Variants in CSNK2A2IP observed in about 807,000 individuals in gnomAD.
CSNK2A2IP encodes casein kinase II subunit alpha'-interacting protein.
At chr3:88,394,200 T>C in the CSNK2A2IP span, among the ~76,000 whole-genome samples, 1 of 152,204 alleles carries the variant, frequency 6.6e-6, no homozygotes, top group Non-Finnish European at 1.5e-5. Context: ...GATATGTGTA[T>C]GTTCACCTTT....
At chr3:88,363,571 G>C in the CSNK2A2IP span, among the ~76,000 whole-genome samples, 2 of 151,894 alleles carry the variant, frequency 1.3e-5, no homozygotes, top group Non-Finnish European at 2.9e-5. Context: ...CTTGGTAATC[G>C]TTGATTTGCA....
chr3:88,414,274 T>TG, the CSNK2A2IP span, among the ~76,000 whole-genome samples: 1 of 38,176 alleles, frequency 2.6e-5, no homozygotes, highest in Non-Finnish European at 5.1e-5. Flanking sequence ...AACAAAGTTT[T>TG]TTTTTTTTTT....
chr3:88,434,790 A>G, the CSNK2A2IP span, among the ~76,000 whole-genome samples: 1 of 152,162 alleles, frequency 6.6e-6, no homozygotes, highest in East Asian at 1.9e-4. Flanking sequence ...TTAAAGATTC[A>G]AAACTATGAT....
chr3:88,346,066 T>G, the CSNK2A2IP span, among the ~76,000 whole-genome samples: 3 of 151,976 alleles, frequency 2.0e-5, no homozygotes, highest in African/African-American at 7.2e-5. Flanking sequence ...GTGGTCTGGA[T>G]AGACTATCAA....
At chr3:88,434,544 C>G in the CSNK2A2IP span, among the ~76,000 whole-genome samples, 1 of 151,968 alleles carries the variant, frequency 6.6e-6, no homozygotes, top group Non-Finnish European at 1.5e-5. Context: ...AACAAACAAC[C>G]CTAAATTCCT....
the CSNK2A2IP span, among the ~76,000 whole-genome samples, chr3:88,428,815 T>A: frequency 6.6e-6 from 1 of 152,062 alleles, no homozygotes; most frequent in African/African-American, 2.4e-5. Flanking sequence ...TTAGACTAGA[T>A]GTTCCTAACT....
At chr3:88,451,261 A>G in the CSNK2A2IP span, among the ~76,000 whole-genome samples, 1 of 152,104 alleles carries the variant, frequency 6.6e-6, no homozygotes, top group Non-Finnish European at 1.5e-5. Flanking sequence ...TAGGCAAGAA[A>G]GACAAATATT....
the CSNK2A2IP span, among the ~76,000 whole-genome samples, chr3:88,397,046 CAA>C: frequency 4.6e-5 from 7 of 152,048 alleles, no homozygotes; most frequent in African/African-American, 1.7e-4. Flanking sequence ...TTAAGAAAAA[CAA>C]GAGGGCATGT....
At chr3:88,413,268 G>A in the CSNK2A2IP span, among the ~76,000 whole-genome samples, 6 of 151,982 alleles carry the variant, frequency 3.9e-5, 1 homozygote, top group African/African-American at 1.5e-4. Flanking sequence ...GCAGGATGGT[G>A]TATAGGCTGA....
chr3:88,434,347 A>C, the CSNK2A2IP span, among the ~76,000 whole-genome samples: 1 of 132,182 alleles, frequency 7.6e-6, no homozygotes, highest in Non-Finnish European at 1.8e-5. Flanking sequence ...GGTCCATCCA[A>C]ATGCAGAAAA....
the CSNK2A2IP span, among the ~76,000 whole-genome samples, chr3:88,421,068 T>C: frequency 6.6e-6 from 1 of 152,172 alleles, no homozygotes; most frequent in Non-Finnish European, 1.5e-5. Flanking sequence ...CCTCCTCCCG[T>C]CTCCGAAGAG....
At chr3:88,394,805 TGTA>T in the CSNK2A2IP span, among the ~76,000 whole-genome samples, 3 of 152,228 alleles carry the variant, frequency 2.0e-5, no homozygotes, top group Non-Finnish European at 4.4e-5. Flanking sequence ...CTTATTGAGT[TGTA>T]GTTGTTGTTT....
chr3:88,347,796 A>G, the CSNK2A2IP span, among the ~76,000 whole-genome samples: 2 of 152,028 alleles, frequency 1.3e-5, no homozygotes, highest in East Asian at 3.9e-4. Context: ...TGTTTTGTAT[A>G]TCTTCTATCC....
the CSNK2A2IP span, among the ~76,000 whole-genome samples, chr3:88,363,994 C>T: frequency 6.6e-6 from 1 of 152,072 alleles, no homozygotes; most frequent in Non-Finnish European, 1.5e-5. Context: ...TGTGGATTTT[C>T]CAGGTCCTGC....
the CSNK2A2IP span, among the ~76,000 whole-genome samples, chr3:88,360,631 G>A: frequency 6.6e-6 from 1 of 152,014 alleles, no homozygotes; most frequent in East Asian, 1.9e-4. Context: ...TACTCTGAAT[G>A]AATAAGAAAA....
At chr3:88,386,780 C>T in the CSNK2A2IP span, among the ~76,000 whole-genome samples, 1 of 152,052 alleles carries the variant, frequency 6.6e-6, no homozygotes, top group Admixed American at 6.6e-5. Flanking sequence ...TTGGTAATGA[C>T]AAAGACCAGA....
chr3:88,342,014 A>G, the CSNK2A2IP span, among the ~76,000 whole-genome samples: 1 of 152,142 alleles, frequency 6.6e-6, no homozygotes, highest in East Asian at 1.9e-4. Flanking sequence ...TTGCTGACAT[A>G]TATACTAGTA....
chr3:88,426,968 G>T, the CSNK2A2IP span, among the ~76,000 whole-genome samples: 2 of 152,098 alleles, frequency 1.3e-5, no homozygotes, highest in African/African-American at 4.8e-5. Flanking sequence ...AACAGGCAGA[G>T]ATTGGAACAG....
At chr3:88,461,998 T>A in the CSNK2A2IP span, among the ~76,000 whole-genome samples, 1 of 151,826 alleles carries the variant, frequency 6.6e-6, no homozygotes, top group Non-Finnish European at 1.5e-5. Flanking sequence ...TTCATATATG[T>A]GTTAGCCATT....
Sources: gnomAD v4.1 joint callset for allele counts (sites outside exome capture counted in the v4.1 genomes callset) on GRCh38, gnomAD v4.1.1 for gene constraint, MANE v1.5 for transcripts, NCBI Gene and HGNC (gene_info 2026-07-23, HGNC 2026-07-21) for gene names.